Variants in BABAM2 observed in about 807,000 individuals in gnomAD.
BABAM2 encodes BRISC and BRCA1 A complex member 2, also known as BRISC and BRCA1-A complex member 2.
BABAM2 carries 31 observed loss-of-function variants against 54.7 expected under a neutral mutation model. The ratio of observed to expected loss-of-function variants is 0.57; its 90% CI spans 0.43 to 0.77. BABAM2 has a LOEUF of 0.77. BABAM2 is among the 30% of genes least tolerant of loss of function. The pLI is 0.00. For missense variants in BABAM2, 364 were observed against 455.8 expected, an observed-to-expected ratio of 0.80 and a Z score of 1.83; for synonymous variants, 167 against 162.9, an observed-to-expected ratio of 1.03 and a Z score of -0.19.
intron 2 of BABAM2, among the ~76,000 whole-genome samples, chr2:27,899,107 A>G (rs1312021044): frequency 6.6e-6 from 1 of 152,162 alleles, no homozygotes; most frequent in Non-Finnish European, 1.5e-5. Context: ...CTAAACAAAA[A>G]TAAAGAAAAA....
At chr2:27,980,666 T>C (rs1265216019) in intron 3 of BABAM2, among the ~76,000 whole-genome samples, 2 of 152,130 alleles carry the variant, frequency 1.3e-5, no homozygotes, top group Non-Finnish European at 2.9e-5. Context: ...TTTTGAAAAA[T>C]ATTTATATAA....
At chr2:28,231,468 A>G (rs1681377957) in intron 7 of BABAM2, among the ~76,000 whole-genome samples, 1 of 152,122 alleles carries the variant, frequency 6.6e-6, no homozygotes, top group South Asian at 2.1e-4. Context: ...TTGCTTTAGG[A>G]TTTCTCTTAG....
At chr2:28,097,039 C>T (rs1033240555) in intron 6 of BABAM2, among the ~76,000 whole-genome samples, 1 of 152,090 alleles carries the variant, frequency 6.6e-6, no homozygotes, top group Non-Finnish European at 1.5e-5. Flanking sequence ...ATAAACCAGT[C>T]TGTTAAGTAG....
chr2:28,288,663 T>C (rs1687022901), intron 10 of BABAM2, among the ~76,000 whole-genome samples: 5 of 152,358 alleles, frequency 3.3e-5, no homozygotes, highest in Admixed American at 6.5e-5. Flanking sequence ...TGGAGAATTA[T>C]GTTTACAAAT....
chr2:28,292,660 C>T (rs915775047), intron 10 of BABAM2, among the ~76,000 whole-genome samples: 2 of 152,290 alleles, frequency 1.3e-5, no homozygotes, highest in Non-Finnish European at 2.9e-5. Context: ...GCCTCAAGAC[C>T]TCACATGATC....
chr2:28,141,225 T>C (rs1478050973), intron 7 of BABAM2, among the ~76,000 whole-genome samples: 2 of 152,046 alleles, frequency 1.3e-5, no homozygotes, highest in Non-Finnish European at 2.9e-5. Flanking sequence ...ATCACACACA[T>C]ACACACACAC....
chr2:27,985,902 A>G (rs1307005472), intron 3 of BABAM2, among the ~76,000 whole-genome samples: 1 of 152,220 alleles, frequency 6.6e-6, no homozygotes, highest in Non-Finnish European at 1.5e-5. Flanking sequence ...ACAACTAAAT[A>G]CTAAAGTGAA....
At chr2:28,271,189 A>C (rs1219603474) in intron 10 of BABAM2, among the ~76,000 whole-genome samples, 1 of 152,234 alleles carries the variant, frequency 6.6e-6, no homozygotes, top group Non-Finnish European at 1.5e-5. Context: ...ACATATATGG[A>C]CGTCTTCAGA....
intron 8 of BABAM2, 21 bp downstream of exon 8, chr2:28,237,322 CATCCCTCTTATG>C: frequency 6.3e-7 from 1 of 1,586,786 alleles, no homozygotes; most frequent in Non-Finnish European, 8.6e-7. Context: ...GTCCCCAACT[CATCCCTCTTATG>C]AGATTTCTTC....
intron 4 of BABAM2, among the ~76,000 whole-genome samples, chr2:28,019,808 A>T (rs1486920797): frequency 6.6e-6 from 1 of 152,110 alleles, no homozygotes; most frequent in African/African-American, 2.4e-5. Context: ...GGCTGTAAGT[A>T]TTTGGCTTTA....
chr2:28,260,905 T>C (rs1029302655), intron 10 of BABAM2, among the ~76,000 whole-genome samples: 3 of 151,982 alleles, frequency 2.0e-5, no homozygotes. Flanking sequence ...TTTTAAGCTA[T>C]CGTGAATGAA....
At chr2:28,285,895 G>T (rs550569552) in intron 10 of BABAM2, among the ~76,000 whole-genome samples, 6 of 151,872 alleles carry the variant, frequency 4.0e-5, no homozygotes, top group Admixed American at 3.9e-4. Context: ...GTTTTGTAGA[G>T]AGGAATTGGT....
intron 7 of BABAM2, among the ~76,000 whole-genome samples, chr2:28,221,613 A>G (rs868607490): frequency 2.0e-5 from 3 of 152,166 alleles, no homozygotes; most frequent in Non-Finnish European, 4.4e-5. Context: ...GAAGGCTGCT[A>G]TCTTCCTGGT....
chr2:27,893,919 G>A (rs576089765), intron 1 of BABAM2, among the ~76,000 whole-genome samples: 6 of 151,524 alleles, frequency 4.0e-5, no homozygotes, highest in South Asian at 2.1e-4. Flanking sequence ...ACTTGAACCC[G>A]GGAGGTGGAG....
chr2:27,890,663 G>T (rs565517635), upstream of BABAM2: 2 of 220,504 alleles, frequency 9.1e-6, no homozygotes, highest in Non-Finnish European at 1.8e-5. This position sits in a 1 kb window ranked among gnomAD's most constrained non-coding sequence, Gnocchi z 4.8. Flanking sequence ...CCGGCTCGGC[G>T]CGGCGCGGGG....
At chr2:28,055,399 C>A (rs1385012183) in intron 6 of BABAM2, among the ~76,000 whole-genome samples, 1 of 151,982 alleles carries the variant, frequency 6.6e-6, no homozygotes, top group Non-Finnish European at 1.5e-5. Context: ...TGCACATGTA[C>A]CCCTGAACCT....
chr2:28,287,920 G>C lies in BABAM2; in HGVS notation c.935-10418G>C, dbSNP rs17006659. On this transcript the variant is annotated intron_variant, in intron 10 of 11. Transcript: ENST00000379624. ...CTGGAACAGAGAATCTGCTCACTCA[G>C]TGTGTGATGGATGAGGGAGTGGATG... Among the ~76,000 whole-genome samples, 1,103 of 152,278 alleles carry C rather than the reference G, an allele frequency of 7.2e-3. 10 individuals are homozygous for C. Among genetic ancestry groups the C allele is most frequent in the African/African-American group, 0.025 (1,046 of 41,560 alleles).
intron 6 of BABAM2, among the ~76,000 whole-genome samples, chr2:28,058,606 G>A (rs1678615385): frequency 6.6e-6 from 1 of 151,464 alleles, no homozygotes; most frequent in African/African-American, 2.4e-5. Flanking sequence ...ACCAGCTGGG[G>A]TGCATGGTCA....
At chr2:27,962,210 A>G (rs1383876453) in intron 3 of BABAM2, among the ~76,000 whole-genome samples, 1 of 152,116 alleles carries the variant, frequency 6.6e-6, no homozygotes, top group East Asian at 1.9e-4. Flanking sequence ...GGTTAAAGCA[A>G]TCCTCCGGCT....
Sources: allele counts gnomAD v4.1 joint callset (sites outside exome capture counted in the v4.1 genomes callset), GRCh38; gene constraint gnomAD v4.1.1; non-coding constraint Gnocchi (gnomAD v3.1); transcripts MANE v1.5; gene names NCBI Gene and HGNC (gene_info 2026-07-23, HGNC 2026-07-21).